Variants in HTRA3 observed in about 807,000 individuals in gnomAD.
The protein encoded by HTRA3 is serine protease HTRA3.
HTRA3 carries 41 observed loss-of-function variants against 43.2 expected under a neutral mutation model. The ratio of observed to expected loss-of-function variants is 0.95; its 90% CI spans 0.74 to 1.23. HTRA3 has a LOEUF of 1.23. Ranked by LOEUF, HTRA3 falls within the 50% of genes most tolerant of loss-of-function variation. The probability of loss-of-function intolerance (pLI) is 0.00; values close to 1 mark genes in which losing one functional copy is unlikely to be tolerated. For synonymous variants in HTRA3, 295 were observed against 287.9 expected (o/e 1.02, Z -0.25); for missense variants, 628 against 647.1 (o/e 0.97, Z 0.32).
chr4:8,277,041 G>A (rs1712556784), intron 1 of HTRA3, among the ~76,000 whole-genome samples: 1 of 152,254 alleles, frequency 6.6e-6, no homozygotes. Flanking sequence ...GGGGGAGGCA[G>A]CGGGTTCCTC....
intron 1 of HTRA3, among the ~76,000 whole-genome samples, chr4:8,273,201 A>G (rs1712366450): frequency 6.6e-6 from 1 of 152,092 alleles, no homozygotes; most frequent in Non-Finnish European, 1.5e-5. Context: ...TTTCCTCTGC[A>G]AGGGGTGGCA....
In HTRA3 at chr4:8,270,301, G is replaced by T; in HGVS notation, c.333G>T (p.Leu111=). The T allele has an allele frequency of 6.8e-7, 1 of 1,476,368 alleles. No homozygotes were observed. 91.5% of individuals were successfully genotyped at this position (1,476,368 alleles called of 1,614,324 possible). ...TGCAGGCGGCCAGCCGCCGCGCGCT[G>T]CAGCTCTCCGGGACGCCCGTGCGCC... The part of the protein sequence containing the change: ...CALQAASRRA[L]QLSGTPVRQL... The change falls in exon 1 of 9, where the codon CTG becomes CTT. Residue 111 remains leucine (L), a synonymous_variant. Coordinates refer to ENST00000307358, the MANE Select transcript of HTRA3 (RefSeq NM_053044.5).
At chr4:8,301,470 T>C (rs950457818) in intron 6 of HTRA3, among the ~76,000 whole-genome samples, 4 of 151,920 alleles carry the variant, frequency 2.6e-5, no homozygotes, top group African/African-American at 7.3e-5. Context: ...AGCTTTATTA[T>C]TGAGTCACAC....
At chr4:8,276,680 A>G (rs1344386247) in intron 1 of HTRA3, among the ~76,000 whole-genome samples, 1 of 152,198 alleles carries the variant, frequency 6.6e-6, no homozygotes, top group African/African-American at 2.4e-5. Context: ...TCCTCCTCCC[A>G]GGGGCTGGCT....
At position 8,273,735 on chromosome 4, in the gene HTRA3, C is replaced by T. The variant is rs575623854; in HGVS notation, c.385+3382C>T. Among the ~76,000 whole-genome samples the T allele has an allele frequency of 9.7e-4, 147 of 152,160 alleles. 1 individual carries two copies. Among genetic ancestry groups the T allele is most frequent in the African/African-American group, 3.5e-3 (145 of 41,500 alleles). ...AGCCTCGATCCCCTCCGTCCCTCCG[C>T]CCCTCATTCCCCTCTTCCCCTCACT... On this transcript the variant is annotated intron_variant, in intron 1 of 8. Coordinates refer to ENST00000307358, the MANE Select transcript of HTRA3 (RefSeq NM_053044.5).
intron 1 of HTRA3, 121 bp from the exon 2 acceptor site, chr4:8,282,316 G>A (rs566450979): frequency 2.6e-6 from 2 of 758,982 alleles, no homozygotes; most frequent in East Asian, 2.7e-5. Flanking sequence ...GCTGAGGCTG[G>A]CTCTGAACTG....
chr4:8,288,981 G>C (rs7664198), intron 3 of HTRA3, among the ~76,000 whole-genome samples: 14 of 133,604 alleles, frequency 1.0e-4, no homozygotes, highest in East Asian at 6.7e-4. Flanking sequence ...TCAGGGTCTC[G>C]CTCTGTTGCC....
intron 1 of HTRA3, among the ~76,000 whole-genome samples, chr4:8,270,914 C>A (rs186098415): frequency 6.6e-6 from 1 of 152,170 alleles, no homozygotes. Context: ...TTGAGGCAGT[C>A]GGCTCTAGGT....
chr4:8,286,884 C>G lies in HTRA3; in HGVS notation c.708+101C>G. 3.3e-6 allele frequency: 3 copies of G among 898,386 alleles called. No individual in the cohort carries two copies. Among genetic ancestry groups the G allele is most frequent in the Non-Finnish European group, 3.5e-6 (2 of 579,468 alleles). The allele number at this position is 898,386 out of a possible 1,614,324, so 55.7% of individuals were successfully genotyped here. A position where few individuals can be genotyped will look rare whatever the true frequency, so the allele number is the denominator to read the frequency against. On this transcript the variant is annotated intron_variant, in intron 3 of 8. Transcript: ENST00000307358. The surrounding 1 kb of genome is among the most constrained non-coding windows in gnomAD (Gnocchi z 4.9). ...GAGGCAAGCTAGCCCCACCTTCCAT[C>G]AGCCAGGGGGAGGAAACTGGGCCCA...
In HTRA3 at chr4:8,295,656, C is replaced by T; in HGVS notation, c.1051+1455C>T. ...TGGCCAACGCCCAGGCCTGACTCAG[C>T]AACTCACACTTCCACATTGCTTTGC... On this transcript the variant is annotated intron_variant, in intron 6 of 8. Transcript: ENST00000307358. The surrounding 1 kb of genome is among the most constrained non-coding windows in gnomAD (Gnocchi z 6.9). 7.2e-7 allele frequency: 1 copy of T among 1,386,252 alleles called. No homozygotes were observed. The highest frequency in any genetic ancestry group is 9.4e-7 in the Non-Finnish European group (1 of 1,065,564). The allele number at this position is 1,386,252 out of a possible 1,614,324, so 85.9% of individuals were successfully genotyped here. A position where few individuals can be genotyped will look rare whatever the true frequency, so the allele number is the denominator to read the frequency against.
rs1713686229 is a variant in HTRA3 at position 8,302,447 on chromosome 4, CGT to C, written c.1052-13_1052-12del. ...CACAGCAGCCCTAACGGAGTCTCGC[CGT>C]GTTTCATTTCCAGACTGGAAGAAGC... On this transcript the variant is annotated splice_polypyrimidine_tract_variant and intron_variant, in intron 6 of 8. Coordinates refer to ENST00000307358, the MANE Select transcript of HTRA3 (RefSeq NM_053044.5). 6.2e-7 allele frequency: 1 copy of C among 1,613,722 alleles called. No individual in the cohort carries two copies. Among genetic ancestry groups the C allele is most frequent in the East Asian group, 2.2e-5 (1 of 44,868 alleles).
At chr4:8,300,884 CTCA>C (rs1298360489) in intron 6 of HTRA3, among the ~76,000 whole-genome samples, 7 of 151,072 alleles carry the variant, frequency 4.6e-5, no homozygotes, top group Non-Finnish European at 7.4e-5. Context: ...TTGATTCACA[CTCA>C]TCTTTATTAT....
Position 8,297,782 on chromosome 4 carries a change from G to A in HTRA3, c.1051+3581G>A, listed in dbSNP as rs890791702. ...CTAGAGAGTGATCCCCCGGATTTAC[G>A]CCTCCAGCCTGGCCCCTCCTGCTCC... On this transcript the variant is annotated intron_variant, in intron 6 of 8. Coordinates refer to ENST00000307358, the MANE Select transcript of HTRA3 (RefSeq NM_053044.5). The surrounding 1 kb of genome is among the most constrained non-coding windows in gnomAD (Gnocchi z 5.8). Among the ~76,000 whole-genome samples the A allele has an allele frequency of 3.9e-5, 6 of 151,976 alleles. No individual in the cohort carries two copies. Among genetic ancestry groups the A allele is most frequent in the South Asian group, 2.1e-4 (1 of 4,804 alleles).
intron 1 of HTRA3, among the ~76,000 whole-genome samples, chr4:8,277,249 A>G (rs1228872194): frequency 6.6e-6 from 1 of 152,174 alleles, no homozygotes; most frequent in Non-Finnish European, 1.5e-5. Context: ...GAGGAGGAAA[A>G]GCAAAGGAAG....
At chr4:8,302,827 G>T (rs1217205943) in intron 7 of HTRA3, among the ~76,000 whole-genome samples, 1 of 152,210 alleles carries the variant, frequency 6.6e-6, no homozygotes, top group Non-Finnish European at 1.5e-5. Flanking sequence ...TGAAGTCAAG[G>T]GGTCGGCAGG....
At position 8,291,436 on chromosome 4, in the gene HTRA3, A is replaced by T. The variant is rs149254800; in HGVS notation, c.775A>T (p.Ile259Phe). 1 of 1,613,304 alleles carries T rather than the reference A, an allele frequency of 6.2e-7. No homozygotes were observed. The change falls in exon 4 of 9, where the codon ATC (isoleucine) becomes TTC (phenylalanine). Residue 259 changes from isoleucine to phenylalanine, a missense_variant. Ile to Phe is a conservative substitution (Grantham distance 21). Coordinates refer to ENST00000307358, the MANE Select transcript of HTRA3 (RefSeq NM_053044.5). ...GCGGCCTGGGGAGTTTGTGGTGGCC[A>T]TCGGCAGTCCCTTCGCCCTACAGAA... ...DLRPGEFVVA[I>F]GSPFALQNTV...
intron 2 of HTRA3, among the ~76,000 whole-genome samples, chr4:8,282,877 C>T (rs868386140): frequency 2.6e-5 from 4 of 152,162 alleles, no homozygotes; most frequent in Non-Finnish European, 5.9e-5. Flanking sequence ...CAGAACCCAG[C>T]GGAGGAGATG....
chr4:8,300,351 A>T (rs1713592459), intron 6 of HTRA3, among the ~76,000 whole-genome samples: 1 of 152,124 alleles, frequency 6.6e-6, no homozygotes, highest in Admixed American at 6.5e-5. Flanking sequence ...CTCCAGTGAG[A>T]TCTTTTAGGC....
chr4:8,278,319 T>G (rs1217869244), intron 1 of HTRA3, among the ~76,000 whole-genome samples: 1 of 151,644 alleles, frequency 6.6e-6, no homozygotes, highest in African/African-American at 2.4e-5. Context: ...GCCTCGGGCC[T>G]TGATTGCTTT....
Sources: gnomAD v4.1 joint callset for allele counts (sites outside exome capture counted in the v4.1 genomes callset) on GRCh38, gnomAD v4.1.1 for gene constraint, Gnocchi (gnomAD v3.1) non-coding constraint, MANE v1.5 for transcripts, NCBI Gene and HGNC (gene_info 2026-07-23, HGNC 2026-07-21) for gene names.